Variants in MYO10 observed in about 807,000 individuals in gnomAD.
MYO10 encodes the protein unconventional myosin-X.
Under a neutral mutation model 257.3 loss-of-function variants are expected in MYO10, and 133 were observed. The ratio of observed to expected loss-of-function variants is 0.52; its 90% CI spans 0.45 to 0.60. The LOEUF (loss-of-function observed/expected upper bound fraction) is 0.60. MYO10 is among the 20% of genes least tolerant of loss of function. The pLI is 0.00. For missense variants in MYO10, 2,399 were observed against 2,635.7 expected (o/e 0.91, Z 1.97); for synonymous variants, 1,104 against 1,028.6 (o/e 1.07, Z -1.40).
rs144638999 is a variant in MYO10 at position 16,708,584 on chromosome 5, C to T, written c.2169+2324G>A. 3.2e-3 allele frequency among the ~76,000 whole-genome samples: 481 copies of T among 152,220 alleles called. 2 individuals are homozygous for T. The highest frequency in any genetic ancestry group is 0.011 in the African/African-American group (459 of 41,530). The stretch of plus-strand genomic sequence containing the variant: ...ATGCAATTTCTTTTTGTTTTTGAGA[C>T]AAGGTTTCACTCTGTCGCCCAGGTT... On this transcript the variant is annotated intron_variant, in intron 21 of 40. Transcript: ENST00000513610.
chr5:16,779,498 T>A (rs770490650), intron 9 of MYO10, 47 bp downstream of exon 9: 3 of 1,113,190 alleles, frequency 2.7e-6, no homozygotes, highest in Non-Finnish European at 3.8e-6. Context: ...TTACTCTTAA[T>A]AAGGTATCTG....
chr5:16,825,499 T>C (rs1378488278), intron 2 of MYO10, among the ~76,000 whole-genome samples: 5 of 152,240 alleles, frequency 3.3e-5, no homozygotes, highest in African/African-American at 1.2e-4. Flanking sequence ...CAACGTTTGA[T>C]GCCTCCCTAT....
chr5:16,835,653 C>T (rs1459121428), intron 2 of MYO10, among the ~76,000 whole-genome samples: 1 of 151,792 alleles, frequency 6.6e-6, no homozygotes. Context: ...CCACACTCTT[C>T]CTGTCCACCA....
In MYO10 at chr5:16,761,462, ACC is replaced by A; in HGVS notation, c.1739_1739+1del. The A allele has an allele frequency of 6.2e-7, 1 of 1,608,602 alleles. No individual in the cohort carries two copies. The highest frequency in any genetic ancestry group is 8.5e-7 in the Non-Finnish European group (1 of 1,175,412). On this transcript the variant is annotated splice_donor_variant and coding_sequence_variant, in exon 17 of 41. Transcript: ENST00000513610. LOFTEE classifies it high-confidence loss of function. ...TACTTCTCGGTGAGAAGACTGACAT[ACC>A]GGCTTTCTCTTAGCAAATTGAGAAG...
At chr5:16,850,633 T>C (rs1177399753) in intron 2 of MYO10, among the ~76,000 whole-genome samples, 1 of 151,852 alleles carries the variant, frequency 6.6e-6, no homozygotes, top group African/African-American at 2.4e-5. Context: ...AGTTAAATAG[T>C]ATATGACTCA....
chr5:16,796,225 G>GAGCGAT (rs1741945926), intron 3 of MYO10, among the ~76,000 whole-genome samples: 1 of 120,584 alleles, frequency 8.3e-6, no homozygotes, highest in Admixed American at 8.9e-5. Flanking sequence ...GAGAGAGCGA[G>GAGCGAT]AAAGAGAAAG....
At chr5:16,808,873 T>C (rs767962029) in intron 3 of MYO10, among the ~76,000 whole-genome samples, 34 of 151,964 alleles carry the variant, frequency 2.2e-4, no homozygotes, top group Non-Finnish European at 2.6e-4. Flanking sequence ...GGTTTCACCA[T>C]GTTGGCCAGG....
At chr5:16,755,294 T>C (rs1740496182) in intron 18 of MYO10, among the ~76,000 whole-genome samples, 1 of 152,002 alleles carries the variant, frequency 6.6e-6, no homozygotes, top group Non-Finnish European at 1.5e-5. Context: ...GCCTCCAGAG[T>C]AGCTGGGACT....
chr5:16,680,192 C>A, intron 32 of MYO10, 88 bp from the exon 33 acceptor site: 1 of 1,450,336 alleles, frequency 6.9e-7, no homozygotes, highest in South Asian at 1.4e-5. Context: ...ACCTCAGTCC[C>A]TTTAATTATT....
At chr5:16,690,478 G>A (rs1321222121) in intron 27 of MYO10, among the ~76,000 whole-genome samples, 1 of 152,188 alleles carries the variant, frequency 6.6e-6, no homozygotes, top group African/African-American at 2.4e-5. Flanking sequence ...GGTGTGGCCA[G>A]GGATAGCAGG....
At chr5:16,748,981 G>C (rs1180527295) in intron 19 of MYO10, among the ~76,000 whole-genome samples, 1 of 152,074 alleles carries the variant, frequency 6.6e-6, no homozygotes, top group Non-Finnish European at 1.5e-5. Flanking sequence ...CTTCATCCTT[G>C]TGTCTCGGGG....
intron 19 of MYO10, among the ~76,000 whole-genome samples, chr5:16,748,796 T>C (rs747020917): frequency 6.6e-6 from 1 of 152,098 alleles, no homozygotes; most frequent in Admixed American, 6.6e-5. Flanking sequence ...TGCATGTGTG[T>C]GGTCATGAGT....
chr5:16,887,832 A>C (rs1744936033), intron 1 of MYO10, among the ~76,000 whole-genome samples: 1 of 152,022 alleles, frequency 6.6e-6, no homozygotes, highest in Non-Finnish European at 1.5e-5. Context: ...CACCTTCCTC[A>C]CAATTCCTTA....
At chr5:16,850,426 C>T (rs1415748912) in intron 2 of MYO10, among the ~76,000 whole-genome samples, 1 of 151,952 alleles carries the variant, frequency 6.6e-6, no homozygotes, top group East Asian at 1.9e-4. Flanking sequence ...TACAGGCGCG[C>T]ACCACCACAC....
At chr5:16,933,334 C>T (rs948958467) in intron 1 of MYO10, among the ~76,000 whole-genome samples, 2 of 152,190 alleles carry the variant, frequency 1.3e-5, no homozygotes, top group South Asian at 4.1e-4. Context: ...AGCAATGGTA[C>T]CAGGTTTGAG....
In MYO10 at chr5:16,846,112, G is replaced by A. The variant is rs140733087; in HGVS notation, c.121-27945C>T. On this transcript the variant is annotated intron_variant, in intron 2 of 40. Transcript: ENST00000513610. ...GAGCCACAGAATACAGTGTCCAGGT[G>A]TTAAGGTGTATCAAGTGCTCACAGA... 5.1e-3 allele frequency among the ~76,000 whole-genome samples: 771 copies of A among 152,328 alleles called. 10 individuals carry two copies. Among genetic ancestry groups the A allele is most frequent in the Middle Eastern group, 0.027 (8 of 294 alleles).
intron 3 of MYO10, among the ~76,000 whole-genome samples, chr5:16,805,458 CAAAAAAA>C (rs36126574): frequency 2.0e-4 from 16 of 78,340 alleles, no homozygotes; most frequent in African/African-American, 7.0e-4. Flanking sequence ...GACTCCATCT[CAAAAAAA>C]AAAAAAAAAA....
intron 4 of MYO10, among the ~76,000 whole-genome samples, chr5:16,786,120 G>C (rs1002275764): frequency 1.7e-4 from 2 of 12,016 alleles, no homozygotes; most frequent in Non-Finnish European, 7.7e-4. Context: ...TACCCACCAG[G>C]GGCCGGAGAG....
chr5:16,907,290 C>T (rs1745544307), intron 1 of MYO10, among the ~76,000 whole-genome samples: 1 of 151,988 alleles, frequency 6.6e-6, no homozygotes, highest in Non-Finnish European at 1.5e-5. Context: ...AATTCCAGGG[C>T]ACACGCTCTT....
Sources: gnomAD v4.1 joint callset for allele counts (sites outside exome capture counted in the v4.1 genomes callset) on GRCh38, gnomAD v4.1.1 for gene constraint, MANE v1.5 for transcripts, NCBI Gene and HGNC (gene_info 2026-07-23, HGNC 2026-07-21) for gene names.